Variants in F2 observed in about 807,000 individuals in gnomAD.
The protein encoded by F2 is coagulation factor II, thrombin, also known as prothrombin.
A neutral mutation model predicts 81.9 loss-of-function variants in F2; 34 were observed. The ratio of observed to expected loss-of-function variants is 0.42; its 90% CI spans 0.32 to 0.55. The LOEUF (loss-of-function observed/expected upper bound fraction) is 0.55, where lower values mean the gene tolerates loss of function less well. F2 is among the 20% of genes least tolerant of loss of function. The pLI, the probability that F2 is intolerant of heterozygous loss-of-function variation, is 0.18. For missense variants in F2, 630 were observed against 833.4 expected, an observed-to-expected ratio of 0.76 and a Z score of 3.00; for synonymous variants, 296 against 326.4, an observed-to-expected ratio of 0.91 and a Z score of 1.01.
rs1326659113 is a variant in F2 at position 46,726,476 on chromosome 11, G to C, written c.875-22G>C. ...TGAGGAATGGCCCAGCCCAGTCCCAGCCGGTGCCTGGGTCCCAACAGAGGA... is the reference window on the plus strand; with the variant it reads ...TGAGGAATGGCCCAGCCCAGTCCCACCCGGTGCCTGGGTCCCAACAGAGGA... On this transcript the variant is annotated intron_variant, in intron 7 of 13. Transcript: ENST00000311907. This position sits in a 1 kb window ranked among gnomAD's most constrained non-coding sequence, Gnocchi z 5.9. The C allele has an allele frequency of 6.2e-7, 1 of 1,610,542 alleles. No individual in the cohort carries two copies. The highest frequency in any genetic ancestry group is 1.3e-5 in the African/African-American group (1 of 74,892).
chr11:46,735,622 C>A (rs1293946868), intron 12 of F2, among the ~76,000 whole-genome samples: 1 of 143,240 alleles, frequency 7.0e-6, no homozygotes, highest in African/African-American at 2.6e-5. Context: ...GACCCTGTTT[C>A]TATTAAAAAA....
In F2 at chr11:46,728,566, C is replaced by A; in HGVS notation, c.1299-98C>A. 7.2e-7 allele frequency: 1 copy of A among 1,390,292 alleles called. No homozygotes were observed. The highest frequency in any genetic ancestry group is 1.0e-6 in the Non-Finnish European group (1 of 985,304). 86.1% of individuals were successfully genotyped at this position (1,390,292 alleles called of 1,614,324 possible). A position where few individuals can be genotyped will look rare whatever the true frequency, so the allele number is the denominator to read the frequency against. On this transcript the variant is annotated intron_variant, in intron 10 of 13. Transcript: ENST00000311907. The surrounding 1 kb of genome is among the most constrained non-coding windows in gnomAD (Gnocchi z 5.1). ...GCCCTATCCCCTCCCTGGTGGCCTGCAGGACACACTGTCTCCCAGACCCCA... is the reference window on the plus strand; with the variant it reads ...GCCCTATCCCCTCCCTGGTGGCCTGAAGGACACACTGTCTCCCAGACCCCA...
At position 46,719,803 on chromosome 11, in the gene F2, G is replaced by A. The variant is rs772252088; in HGVS notation, c.181G>A (p.Val61Met). The A allele has an allele frequency of 8.8e-6, 14 of 1,594,136 alleles. No homozygotes were observed. Among genetic ancestry groups the A allele is most frequent in the South Asian group, 2.3e-5 (2 of 87,390 alleles). ...VRKGNLEREC[V>M]EETCSYEEAF... ...CAAGGGCAACCTGGAGCGAGAGTGC[G>A]TGGAGGAGACGTGCAGCTACGAGGA... Residue 61 changes from valine (V) to methionine (M), a missense_variant, in exon 2 of 14, where the codon GTG becomes ATG. Coordinates refer to ENST00000311907, the MANE Select transcript of F2 (RefSeq NM_000506.5). The surrounding 1 kb of genome is among the most constrained non-coding windows in gnomAD (Gnocchi z 4.7).
intron 12 of F2, among the ~76,000 whole-genome samples, chr11:46,730,130 T>C (rs971494972): frequency 6.6e-6 from 1 of 152,048 alleles, no homozygotes; most frequent in Non-Finnish European, 1.5e-5. Flanking sequence ...TGAAACCCCG[T>C]CTCTACTAAA....
At chr11:46,732,953 T>A (rs2064922473) in intron 12 of F2, among the ~76,000 whole-genome samples, 1 of 152,164 alleles carries the variant, frequency 6.6e-6, no homozygotes, top group South Asian at 2.1e-4. Context: ...GGTGCTGGCG[T>A]GTGCACATTG....
At position 46,726,005 on chromosome 11, in the gene F2, G is replaced by T; in HGVS notation, c.706G>T (p.Ala236Ser). The change falls in exon 7 of 14, where the codon GCC (alanine) becomes TCC (serine). Residue 236 changes from alanine (A) to serine (S), a missense_variant. Coordinates refer to ENST00000311907, the MANE Select transcript of F2 (RefSeq NM_000506.5). This position sits in a 1 kb window ranked among gnomAD's most constrained non-coding sequence, Gnocchi z 5.9. ...AVTTHGLPCLAWASAQAKALS... is the reference protein window; with the variant it reads ...AVTTHGLPCLSWASAQAKALS... ...GACCACACATGGGCTCCCCTGCCTGGCCTGGGCCAGCGCACAGGCCAAGGC... is the reference window on the plus strand; with the variant it reads ...GACCACACATGGGCTCCCCTGCCTGTCCTGGGCCAGCGCACAGGCCAAGGC... 1 of 1,613,952 alleles carries T rather than the reference G, an allele frequency of 6.2e-7. No individual in the cohort carries two copies. Among genetic ancestry groups the T allele is most frequent in the South Asian group, 1.1e-5 (1 of 91,084 alleles).
intron 6 of F2, among the ~76,000 whole-genome samples, chr11:46,724,515 C>T (rs1470157166): frequency 6.6e-6 from 1 of 152,172 alleles, no homozygotes; most frequent in Non-Finnish European, 1.5e-5. Context: ...AACAGAAAAG[C>T]GTCTTCTGTC....
intron 12 of F2, 32 bp from the exon 13 acceptor site, chr11:46,739,016 C>G: frequency 6.2e-7 from 1 of 1,611,890 alleles, no homozygotes; most frequent in Non-Finnish European, 8.5e-7. Flanking sequence ...ATGAGCTATG[C>G]TCCTGAGCAC....
chr11:46,734,033 G>A (rs2064929152), intron 12 of F2, among the ~76,000 whole-genome samples: 1 of 151,330 alleles, frequency 6.6e-6, no homozygotes, highest in African/African-American at 2.4e-5. Context: ...TGATCCTCCC[G>A]CCTCGGCCTC....
chr11:46,723,002 T>C lies in F2; in HGVS notation c.317-178T>C. On this transcript the variant is annotated intron_variant, in intron 4 of 13. Transcript: ENST00000311907. The surrounding 1 kb of genome is among the most constrained non-coding windows in gnomAD (Gnocchi z 5.6). ...ATATGGTAGGCACTTAGCGAATATT[T>C]GGAGGCCACTGTTGAGTGAATGGGA... is the stretch of plus-strand genomic sequence containing the variant. 1.4e-6 allele frequency: 1 copy of C among 722,704 alleles called. No individual in the cohort carries two copies. Among genetic ancestry groups the C allele is most frequent in the Non-Finnish European group, 2.5e-6 (1 of 397,146 alleles). 44.8% of individuals were successfully genotyped at this position (722,704 alleles called of 1,614,324 possible).
At chr11:46,738,709 A>G in intron 12 of F2, among the ~76,000 whole-genome samples, 1 of 152,078 alleles carries the variant, frequency 6.6e-6, no homozygotes, top group East Asian at 1.9e-4. Flanking sequence ...CAAGTGATCC[A>G]CCCGGCTTGG....
chr11:46,733,562 T>G (rs886548538), intron 12 of F2, among the ~76,000 whole-genome samples: 45 of 152,048 alleles, frequency 3.0e-4, no homozygotes, highest in African/African-American at 1.1e-3. Flanking sequence ...TGTATGTCAT[T>G]TTTTAGAGAT....
chr11:46,727,916 C>G, intron 9 of F2, 80 bp from the exon 10 acceptor site: 1 of 1,503,260 alleles, frequency 6.7e-7, no homozygotes, highest in Non-Finnish European at 9.0e-7. Flanking sequence ...GTTCTTAGAC[C>G]TGGGATTGTT....
chr11:46,720,417 C>G (rs900247822), intron 2 of F2, 106 bp from the exon 3 acceptor site: 3 of 1,316,756 alleles, frequency 2.3e-6, no homozygotes, highest in South Asian at 2.4e-5. Flanking sequence ...GAGCCTGCCC[C>G]CTGCGTGACC....
At position 46,726,183 on chromosome 11, in the gene F2, C is replaced by T. The variant is rs775381428; in HGVS notation, c.874+10C>T. Reference sequence around the variant, plus strand: ...GACCTCAACTATTGTGGTGAGCTGCCTGGGTAGGGGGCCTGAGTTGCAGGG... The same window carrying T: ...GACCTCAACTATTGTGGTGAGCTGCTTGGGTAGGGGGCCTGAGTTGCAGGG... On this transcript the variant is annotated intron_variant, in intron 7 of 13. Coordinates refer to ENST00000311907, the MANE Select transcript of F2 (RefSeq NM_000506.5). The surrounding 1 kb of genome is among the most constrained non-coding windows in gnomAD (Gnocchi z 5.9). The T allele has an allele frequency of 1.9e-6, 3 of 1,612,504 alleles. No homozygotes were observed. The highest frequency in any genetic ancestry group is 3.3e-5 in the Admixed American group (2 of 60,024).
At chr11:46,722,522 A>G (rs2064843395) in intron 4 of F2, among the ~76,000 whole-genome samples, 1 of 152,240 alleles carries the variant, frequency 6.6e-6, no homozygotes, top group Admixed American at 6.5e-5. Context: ...TGGGAGGCAG[A>G]GGTTGCAGTG....
intron 12 of F2, among the ~76,000 whole-genome samples, chr11:46,732,157 G>A (rs930979532): frequency 3.3e-5 from 5 of 151,476 alleles, no homozygotes; most frequent in African/African-American, 7.3e-5. Flanking sequence ...CTTGTGATCC[G>A]TCTGCCTCAG....
intron 12 of F2, among the ~76,000 whole-genome samples, chr11:46,730,552 G>A (rs2064904949): frequency 6.6e-6 from 1 of 151,646 alleles, no homozygotes; most frequent in Admixed American, 6.6e-5. Context: ...GGAGAGAGGG[G>A]GGCAGGCAGA....
intron 4 of F2, among the ~76,000 whole-genome samples, chr11:46,722,081 G>A (rs1381937101): frequency 7.6e-6 from 1 of 131,888 alleles, no homozygotes; most frequent in African/African-American, 2.5e-5. Flanking sequence ...CTGACCTCAG[G>A]TGATCCACCA....
Sources: allele counts gnomAD v4.1 joint callset (sites outside exome capture counted in the v4.1 genomes callset), GRCh38; gene constraint gnomAD v4.1.1; non-coding constraint Gnocchi (gnomAD v3.1); transcripts MANE v1.5; gene names NCBI Gene and HGNC (gene_info 2026-07-23, HGNC 2026-07-21).